Variants in SLC8A1 observed in about 807,000 individuals in gnomAD.
SLC8A1 encodes the protein solute carrier family 8 member A1, also known as sodium/calcium exchanger 1.
Under a neutral mutation model 68.3 loss-of-function variants are expected in SLC8A1, and 18 were observed. The observed-to-expected ratio is 0.26, with a 90% CI of 0.18 to 0.39. The LOEUF is 0.39. Among genes scored for constraint, SLC8A1 ranks in the 10% least tolerant of loss-of-function variants. The probability of loss-of-function intolerance (pLI) is 1.00; values close to 1 mark genes in which losing one functional copy is unlikely to be tolerated. For synonymous variants in SLC8A1, 475 were observed against 415.5 expected (o/e 1.14, Z -1.74); for missense variants, 985 against 1,156.7 (o/e 0.85, Z 2.15).
intron 1 of SLC8A1, among the ~76,000 whole-genome samples, chr2:40,458,841 A>G (rs1703176354): frequency 6.6e-6 from 1 of 152,282 alleles, no homozygotes; most frequent in South Asian, 2.1e-4. Context: ...GTTTATAAGC[A>G]TTATTCTTGT....
chr2:40,228,257 A>G (rs925108410), intron 2 of SLC8A1, among the ~76,000 whole-genome samples: 1 of 152,206 alleles, frequency 6.6e-6, no homozygotes, highest in Non-Finnish European at 1.5e-5. Context: ...TGCAGCAGAC[A>G]TTAGCTGTAA....
chr2:40,326,305 G>C (rs2075819225), intron 2 of SLC8A1, among the ~76,000 whole-genome samples: 1 of 152,052 alleles, frequency 6.6e-6, no homozygotes, highest in African/African-American at 2.4e-5. Context: ...TTTTGGTACA[G>C]TGCACTATGT....
upstream of SLC8A1, among the ~76,000 whole-genome samples, chr2:40,455,435 T>C (rs995993791): frequency 1.3e-5 from 2 of 152,236 alleles, no homozygotes; most frequent in Admixed American, 1.3e-4. Context: ...TTCTGAAATA[T>C]GTTAATACAG....
intron 2 of SLC8A1, among the ~76,000 whole-genome samples, chr2:40,295,077 T>A (rs1350500298): frequency 1.3e-5 from 2 of 152,054 alleles, no homozygotes; most frequent in Non-Finnish European, 2.9e-5. Context: ...AAAGAATGGA[T>A]TGAAAAGTTA....
intron 7 of SLC8A1, among the ~76,000 whole-genome samples, chr2:40,118,137 A>G (rs950244071): frequency 1.4e-4 from 22 of 152,254 alleles, no homozygotes; most frequent in Non-Finnish European, 2.5e-4. Context: ...ATTATGGGCT[A>G]GATGTCATTA....
intron 2 of SLC8A1, among the ~76,000 whole-genome samples, chr2:40,278,481 C>G (rs1474016694): frequency 1.1e-4 from 17 of 151,284 alleles, no homozygotes; most frequent in Admixed American, 1.1e-3. Context: ...CAAAACAAAA[C>G]AAAACAAAAC....
At position 40,495,619 on chromosome 2, in the gene SLC8A1, C is replaced by A. The variant is rs552318293; in HGVS notation, c.-25+16730G>T. On this transcript the variant is annotated intron_variant, in intron 1 of 7. Coordinates refer to the SLC8A1 transcript ENST00000402441. Reference sequence around the variant, plus strand: ...GAACTTCGTGACAAAATCTACCAATCTATTATCTTGCACAACTGTTGATAG... The same window carrying A: ...GAACTTCGTGACAAAATCTACCAATATATTATCTTGCACAACTGTTGATAG... Among the ~76,000 whole-genome samples, 5 of 152,112 alleles carry A rather than the reference C, an allele frequency of 3.3e-5. No individual in the cohort carries two copies. The South Asian group carries it at 1.0e-3, about 32-fold the overall frequency.
intron 2 of SLC8A1, among the ~76,000 whole-genome samples, chr2:40,304,225 T>C (rs2072123571): frequency 6.6e-6 from 1 of 152,226 alleles, no homozygotes; most frequent in Non-Finnish European, 1.5e-5. Context: ...CCTTCAGAGA[T>C]GTCCTTCCAG....
intron 7 of SLC8A1, among the ~76,000 whole-genome samples, chr2:40,127,528 G>C (rs1463061417): frequency 6.6e-6 from 1 of 152,160 alleles, no homozygotes; most frequent in African/African-American, 2.4e-5. Context: ...ATGATCACTT[G>C]GCATAGTTGT....
At chr2:40,115,327 G>A in exon 8 of SLC8A1, 1 of 1,614,220 alleles carries the variant, frequency 6.2e-7, no homozygotes, top group Non-Finnish European at 8.5e-7. Context: ...AGCACAAAGA[G>A]GCAGGATGTG....
chr2:40,338,172 G>A (rs1002750743), intron 2 of SLC8A1, among the ~76,000 whole-genome samples: 33 of 151,990 alleles, frequency 2.2e-4, no homozygotes, highest in African/African-American at 7.2e-4. Flanking sequence ...GTAGATAATC[G>A]TAGTGGGGTA....
intron 2 of SLC8A1, among the ~76,000 whole-genome samples, chr2:40,303,436 T>C (rs2071924766): frequency 2.0e-5 from 3 of 152,154 alleles, no homozygotes; most frequent in South Asian, 4.1e-4. Flanking sequence ...TGCTACAAAA[T>C]GCACTACCCG....
chr2:40,308,958 C>T (rs2073173910), intron 2 of SLC8A1, among the ~76,000 whole-genome samples: 1 of 152,082 alleles, frequency 6.6e-6, no homozygotes, highest in Admixed American at 6.6e-5. Flanking sequence ...GGACTGGGTC[C>T]TGTGGACAGT....
At chr2:40,126,543 A>C (rs2038135484) in intron 7 of SLC8A1, among the ~76,000 whole-genome samples, 1 of 152,154 alleles carries the variant, frequency 6.6e-6, no homozygotes, top group African/African-American at 2.4e-5. Context: ...AGGAAAAATA[A>C]TTCAAAGCCA....
chr2:40,502,427 T>C (rs1359946052), intron 1 of SLC8A1, among the ~76,000 whole-genome samples: 1 of 152,022 alleles, frequency 6.6e-6, no homozygotes, highest in East Asian at 1.9e-4. Flanking sequence ...AGTCATCATT[T>C]TGTACACCAA....
intron 1 of SLC8A1, among the ~76,000 whole-genome samples, chr2:40,497,581 G>A (rs1415309293): frequency 6.6e-6 from 1 of 151,836 alleles, no homozygotes. Flanking sequence ...TGAAAAAGGA[G>A]GGAAAAAAGC....
At chr2:40,429,260 C>G (rs1697687621) in exon 2 of SLC8A1, 1 of 1,613,770 alleles carries the variant, frequency 6.2e-7, no homozygotes, top group African/African-American at 1.3e-5. Flanking sequence ...TGCTCTATTT[C>G]TTTATCTGGA....
Position 40,160,749 on chromosome 2 carries a change from A to C in SLC8A1, c.2161+16T>G. 6.2e-7 allele frequency: 1 copy of C among 1,607,308 alleles called. No individual in the cohort carries two copies. The highest frequency in any genetic ancestry group is 8.5e-7 in the Non-Finnish European group (1 of 1,173,958). On this transcript the variant is annotated intron_variant, in intron 6 of 7. Coordinates refer to ENST00000406785, the Ensembl canonical transcript of SLC8A1. ...TGGGCAATTTTAATTTATAATATGCAGAGAAAGGCACTCACCAGCACTGAC... is the reference window on the plus strand; with the variant it reads ...TGGGCAATTTTAATTTATAATATGCCGAGAAAGGCACTCACCAGCACTGAC...
intron 1 of SLC8A1, among the ~76,000 whole-genome samples, chr2:40,433,764 T>G (rs1265264632): frequency 2.0e-5 from 3 of 152,156 alleles, no homozygotes. Flanking sequence ...ACTGCTCCAT[T>G]ATATCATCCC....
Sources: gnomAD v4.1 joint callset for allele counts (sites outside exome capture counted in the v4.1 genomes callset) on GRCh38, gnomAD v4.1.1 for gene constraint, MANE v1.5 for transcripts, NCBI Gene and HGNC (gene_info 2026-07-23, HGNC 2026-07-21) for gene names.